The following LHFPL6 variants were observed in gnomAD, a reference collection of about 807,000 sequenced individuals.
LHFPL6 encodes LHFPL tetraspan subfamily member 6.
In LHFPL6, 9 loss-of-function variants were observed where a neutral mutation model predicts 20.6. The observed-to-expected ratio is 0.44, with a 90% CI of 0.26 to 0.76. LHFPL6 has a LOEUF of 0.76. LHFPL6 is among the 30% of genes least tolerant of loss of function. The pLI, the probability that LHFPL6 is intolerant of heterozygous loss-of-function variation, is 0.20. For synonymous variants in LHFPL6, 105 were observed against 98.7 expected (o/e 1.06, Z -0.38); for missense variants, 218 against 253.5 (o/e 0.86, Z 0.95).
At chr13:39,545,273 T>C (rs9532397) in intron 2 of LHFPL6, among the ~76,000 whole-genome samples, 112,415 of 143,622 alleles carry the variant, frequency 0.78, 44,363 homozygotes, top group South Asian at 0.88. Context: ...AAAAAGTGAC[T>C]AAGGGTAAGT....
intron 2 of LHFPL6, among the ~76,000 whole-genome samples, chr13:39,459,360 G>T (rs1872641438): frequency 6.6e-6 from 1 of 151,156 alleles, no homozygotes; most frequent in African/African-American, 2.4e-5. Context: ...CTATTTCATG[G>T]TTTTTCCTTT....
chr13:39,487,737 G>T (rs540716238), intron 2 of LHFPL6, among the ~76,000 whole-genome samples: 3 of 152,154 alleles, frequency 2.0e-5, no homozygotes, highest in Non-Finnish European at 4.4e-5. Context: ...GGCCGGGTGC[G>T]GTGGCTCACG....
At chr13:39,579,076 G>A (rs968857906) in intron 2 of LHFPL6, among the ~76,000 whole-genome samples, 3 of 152,168 alleles carry the variant, frequency 2.0e-5, no homozygotes, top group African/African-American at 7.2e-5. Context: ...GTGAATGGAT[G>A]GTAATATGTC....
intron 2 of LHFPL6, among the ~76,000 whole-genome samples, chr13:39,484,673 G>A (rs183256287): frequency 6.6e-6 from 1 of 152,300 alleles, no homozygotes; most frequent in African/African-American, 2.4e-5. Flanking sequence ...GTAGTCAGTT[G>A]TGAGAATTTT....
intron 2 of LHFPL6, among the ~76,000 whole-genome samples, chr13:39,441,404 T>C (rs956586791): frequency 6.6e-6 from 1 of 151,990 alleles, no homozygotes; most frequent in Non-Finnish European, 1.5e-5. Context: ...GGGGCAGCAA[T>C]TTGTAGGACC....
rs186692699 is a variant in LHFPL6, at chr13:39,572,266, G to A, written c.385+28566C>T. On this transcript the variant is annotated intron_variant, in intron 2 of 3. Transcript: ENST00000379589. ...AGTTAGTCATTTATGGCTCAGAGCC[G>A]TGGTAGTATATTTTTTAAACTCTGT... 2.1e-4 allele frequency among the ~76,000 whole-genome samples: 32 copies of A among 150,758 alleles called. No homozygotes were observed. The East Asian group carries it at 3.2e-3, about 15-fold the overall frequency.
chr13:39,553,652 C>T (rs1452381131), intron 2 of LHFPL6, among the ~76,000 whole-genome samples: 1 of 152,186 alleles, frequency 6.6e-6, no homozygotes, highest in East Asian at 1.9e-4. Flanking sequence ...TGTGAGGCTG[C>T]AGTGAACTAT....
intron 2 of LHFPL6, among the ~76,000 whole-genome samples, chr13:39,437,905 A>AG (rs1872008583): frequency 6.6e-6 from 1 of 151,684 alleles, no homozygotes; most frequent in Admixed American, 6.6e-5. Context: ...CCGTCTCAAA[A>AG]AAAAAAAAAA....
At chr13:39,482,789 A>C (rs1252172249) in intron 2 of LHFPL6, among the ~76,000 whole-genome samples, 1 of 152,214 alleles carries the variant, frequency 6.6e-6, no homozygotes, top group African/African-American at 2.4e-5. Flanking sequence ...AAGCTACCAA[A>C]GCAAGAATAG....
At chr13:39,455,435 A>C (rs1320547520) in intron 2 of LHFPL6, among the ~76,000 whole-genome samples, 1 of 152,228 alleles carries the variant, frequency 6.6e-6, no homozygotes, top group Non-Finnish European at 1.5e-5. Flanking sequence ...TTATTTCCAC[A>C]TACCATCAAT....
intron 3 of LHFPL6, among the ~76,000 whole-genome samples, chr13:39,352,981 A>G (rs947479404): frequency 1.7e-4 from 23 of 132,076 alleles, no homozygotes; most frequent in Non-Finnish European, 1.7e-4. Context: ...ACATATATAT[A>G]TATATATAAT....
rs139747955 is a variant in LHFPL6 at position 39,578,260 on chromosome 13, C to A, written c.385+22572G>T. Among the ~76,000 whole-genome samples, 333 of 152,244 alleles carry A rather than the reference C, an allele frequency of 2.2e-3. 2 individuals carry two copies. The highest frequency in any genetic ancestry group is 7.3e-3 in the African/African-American group (302 of 41,530). On this transcript the variant is annotated intron_variant, in intron 2 of 3. Coordinates refer to ENST00000379589, the MANE Select transcript of LHFPL6 (RefSeq NM_005780.3). ...TAGGACAAAAGCACCCTACTAAAGA[C>A]CCCTGACAGAAATGATTAAATCAGC...
chr13:39,515,467 G>T (rs901052680), intron 2 of LHFPL6, among the ~76,000 whole-genome samples: 21 of 152,218 alleles, frequency 1.4e-4, no homozygotes, highest in Non-Finnish European at 1.5e-5. Flanking sequence ...TGCCTGGGCT[G>T]ACACTTTATT....
At chr13:39,444,014 T>A (rs1432052643) in intron 2 of LHFPL6, among the ~76,000 whole-genome samples, 1 of 152,130 alleles carries the variant, frequency 6.6e-6, no homozygotes. Flanking sequence ...TTTATCAAGA[T>A]GTAATCACAT....
At chr13:39,564,465 A>C (rs985971963) in intron 2 of LHFPL6, among the ~76,000 whole-genome samples, 1 of 152,172 alleles carries the variant, frequency 6.6e-6, no homozygotes, top group Non-Finnish European at 1.5e-5. Context: ...AACTTCAAAA[A>C]ATGGCCCATG....
In LHFPL6 at chr13:39,343,793, T is replaced by C. The variant is rs529664615; in HGVS notation, c.*143A>G. 7.3e-5 allele frequency: 44 copies of C among 601,520 alleles called. No homozygotes were observed. The highest frequency in any genetic ancestry group is 8.2e-4 in the Middle Eastern group (2 of 2,432). 37.3% of individuals were successfully genotyped at this position (601,520 alleles called of 1,614,324 possible). The stretch of plus-strand genomic sequence containing the variant: ...TACAATCCTTCCTTCCTATATCATG[T>C]TCCTGATTTTATCGGGTTTCATTTT... On this transcript the variant is annotated 3_prime_UTR_variant, in exon 4 of 4. Transcript: ENST00000379589.
intron 2 of LHFPL6, among the ~76,000 whole-genome samples, chr13:39,418,832 C>T (rs1871411804): frequency 6.6e-6 from 1 of 152,106 alleles, no homozygotes. Flanking sequence ...TCTGCTGTGA[C>T]CAAACAGCCT....
chr13:39,583,729 T>C (rs1463643219), intron 2 of LHFPL6, among the ~76,000 whole-genome samples: 1 of 152,200 alleles, frequency 6.6e-6, no homozygotes, highest in African/African-American at 2.4e-5. Flanking sequence ...AGTATAGGGA[T>C]AAACAGCAAC....
chr13:39,384,898 G>A (rs899488686), intron 2 of LHFPL6, among the ~76,000 whole-genome samples: 5 of 152,146 alleles, frequency 3.3e-5, no homozygotes, highest in African/African-American at 1.2e-4. Flanking sequence ...TTGTGCATAC[G>A]AGTGGAAGTG....
Sources: allele counts gnomAD v4.1 joint callset (sites outside exome capture counted in the v4.1 genomes callset), GRCh38; gene constraint gnomAD v4.1.1; transcripts MANE v1.5; gene names NCBI Gene and HGNC (gene_info 2026-07-23, HGNC 2026-07-21).